Variants in PLPP1 observed in about 807,000 individuals in gnomAD.
PLPP1 encodes the protein phospholipid phosphatase 1.
A neutral mutation model predicts 31.2 loss-of-function variants in PLPP1; 24 were observed. That is an observed-to-expected ratio of 0.77 (90% CI 0.56 to 1.08). PLPP1 has a LOEUF of 1.08. PLPP1 is among the 50% of genes least tolerant of loss of function. The probability of loss-of-function intolerance (pLI) is 0.00; values close to 1 mark genes in which losing one functional copy is unlikely to be tolerated. For missense variants in PLPP1, 319 were observed against 342.7 expected (o/e 0.93, Z 0.55); for synonymous variants, 146 against 126.3 (o/e 1.16, Z -1.05).
chr5:55,528,037 AAC>A (rs1175392971), intron 1 of PLPP1, among the ~76,000 whole-genome samples: 1 of 152,232 alleles, frequency 6.6e-6, no homozygotes, highest in African/African-American at 2.4e-5. Flanking sequence ...GGGCAAATGG[AAC>A]ACACACAGCA....
intron 4 of PLPP1, among the ~76,000 whole-genome samples, chr5:55,440,693 A>T (rs1751602579): frequency 6.6e-6 from 1 of 152,268 alleles, no homozygotes; most frequent in South Asian, 2.1e-4. Flanking sequence ...TATATAACAC[A>T]TCTACAATTT....
intron 1 of PLPP1, among the ~76,000 whole-genome samples, chr5:55,498,007 G>A (rs1001980316): frequency 4.6e-5 from 7 of 152,002 alleles, no homozygotes; most frequent in African/African-American, 1.7e-4. Context: ...CAGGTCCACA[G>A]GGGCAATGGA....
intron 3 of PLPP1, among the ~76,000 whole-genome samples, chr5:55,444,582 C>T (rs974258685): frequency 9.9e-5 from 15 of 152,158 alleles, no homozygotes; most frequent in African/African-American, 2.9e-4. Context: ...CCAAATCTTA[C>T]GAAAATCTTC....
chr5:55,453,425 T>C (rs1475176326), intron 3 of PLPP1, among the ~76,000 whole-genome samples: 4 of 152,282 alleles, frequency 2.6e-5, no homozygotes, highest in Non-Finnish European at 2.9e-5. Flanking sequence ...TTCCCTCTCT[T>C]GTCATTCTTT....
At chr5:55,525,490 T>A (rs1182111647) in intron 1 of PLPP1, among the ~76,000 whole-genome samples, 3 of 152,188 alleles carry the variant, frequency 2.0e-5, no homozygotes, top group Non-Finnish European at 2.9e-5. Context: ...TCATTCCCAA[T>A]TTTATAATTT....
intron 1 of PLPP1, among the ~76,000 whole-genome samples, chr5:55,506,013 C>T (rs1235519286): frequency 6.6e-6 from 1 of 152,136 alleles, no homozygotes; most frequent in Non-Finnish European, 1.5e-5. Flanking sequence ...GCTGAGATCA[C>T]GCCACTGCAC....
At chr5:55,426,714 C>T (rs548233877) in intron 4 of PLPP1, among the ~76,000 whole-genome samples, 7 of 152,142 alleles carry the variant, frequency 4.6e-5, no homozygotes, top group East Asian at 1.9e-4. Context: ...GACCCAGTAT[C>T]GTGGTTAGTT....
intron 1 of PLPP1, among the ~76,000 whole-genome samples, chr5:55,493,929 C>T (rs1752950632): frequency 6.6e-6 from 1 of 151,342 alleles, no homozygotes. Flanking sequence ...ACCTATAGTC[C>T]AGACATTTGG....
intron 4 of PLPP1, among the ~76,000 whole-genome samples, chr5:55,431,157 G>A (rs560064655): frequency 1.3e-5 from 2 of 152,218 alleles, no homozygotes; most frequent in East Asian, 1.9e-4. Flanking sequence ...AGTAATACCC[G>A]AAAACTTCCC....
chr5:55,434,742 C>T (rs1334373095), intron 4 of PLPP1, among the ~76,000 whole-genome samples: 1 of 152,076 alleles, frequency 6.6e-6, no homozygotes, highest in African/African-American at 2.4e-5. Flanking sequence ...TGAAATTGGA[C>T]CCCTATCTCT....
At chr5:55,465,485 C>T (rs1752269503) in intron 3 of PLPP1, among the ~76,000 whole-genome samples, 1 of 152,156 alleles carries the variant, frequency 6.6e-6, no homozygotes, top group Non-Finnish European at 1.5e-5. Flanking sequence ...TTTGGCTTCC[C>T]CGCACCACAC....
At chr5:55,425,414 GATAAAT>G (rs1395922011) in intron 5 of PLPP1, 80 bp from the exon 6 acceptor site, 4 of 1,294,158 alleles carry the variant, frequency 3.1e-6, no homozygotes, top group African/African-American at 1.5e-5. Flanking sequence ...AGCATCCTAA[GATAAAT>G]ATAAACAAAA....
At chr5:55,503,946 G>T in intron 1 of PLPP1, among the ~76,000 whole-genome samples, 2 of 145,084 alleles carry the variant, frequency 1.4e-5, no homozygotes, top group African/African-American at 2.6e-5. Context: ...GGGAGGGAGG[G>T]GTGGTTCTTA....
intron 1 of PLPP1, among the ~76,000 whole-genome samples, chr5:55,511,226 A>C (rs1753398374): frequency 6.6e-6 from 1 of 152,206 alleles, no homozygotes; most frequent in South Asian, 2.1e-4. Context: ...AGAGAGAAGC[A>C]GGCTGAAAAG....
At chr5:55,512,075 G>A (rs919810142) in intron 1 of PLPP1, among the ~76,000 whole-genome samples, 6 of 151,652 alleles carry the variant, frequency 4.0e-5, no homozygotes, top group Middle Eastern at 3.4e-3. Flanking sequence ...GTTGCAGTGA[G>A]CCAAGATAGC....
intron 3 of PLPP1, among the ~76,000 whole-genome samples, chr5:55,449,434 C>T (rs542077818): frequency 6.6e-6 from 1 of 152,210 alleles, no homozygotes; most frequent in Admixed American, 6.5e-5. Context: ...AATCTCTTCC[C>T]CGCCAAATAC....
chr5:55,459,774 A>G (rs984139783), intron 3 of PLPP1, among the ~76,000 whole-genome samples: 8 of 152,226 alleles, frequency 5.3e-5, no homozygotes, highest in African/African-American at 1.9e-4. Context: ...ATTTTCTTCA[A>G]TAACAGCTAC....
At chr5:55,426,062 A>G in intron 4 of PLPP1, 23 bp from the exon 5 acceptor site, 1 of 1,552,454 alleles carries the variant, frequency 6.4e-7, no homozygotes, top group Non-Finnish European at 8.7e-7. Context: ...AATAAAGAAA[A>G]AAATAGTTTA....
chr5:55,489,288 G>C (rs998390820), intron 1 of PLPP1, among the ~76,000 whole-genome samples: 1 of 152,108 alleles, frequency 6.6e-6, no homozygotes, highest in African/African-American at 2.4e-5. Flanking sequence ...TCTTAAAAAA[G>C]AAACTTTATC....
Sources: allele counts gnomAD v4.1 joint callset (sites outside exome capture counted in the v4.1 genomes callset), GRCh38; gene constraint gnomAD v4.1.1; transcripts MANE v1.5; gene names NCBI Gene and HGNC (gene_info 2026-07-23, HGNC 2026-07-21).